Variants in TTC28 observed in about 807,000 individuals in gnomAD.
TTC28 encodes the protein tetratricopeptide repeat domain 28.
A neutral mutation model predicts 198.0 loss-of-function variants in TTC28; 61 were observed. That is an observed-to-expected ratio of 0.31 (90% CI 0.25 to 0.38). The LOEUF (loss-of-function observed/expected upper bound fraction) is 0.38. Among genes scored for constraint, TTC28 ranks in the 10% least tolerant of loss-of-function variants. The probability of loss-of-function intolerance (pLI) is 1.00; values close to 1 mark genes in which losing one functional copy is unlikely to be tolerated. For missense variants in TTC28, 2,678 were observed against 3,164.0 expected, an observed-to-expected ratio of 0.85 and a Z score of 3.69; for synonymous variants, 1,171 against 1,297.8, an observed-to-expected ratio of 0.90 and a Z score of 2.10.
At chr22:28,084,957 G>A (rs983739758) in intron 12 of TTC28, among the ~76,000 whole-genome samples, 3 of 152,084 alleles carry the variant, frequency 2.0e-5, no homozygotes, top group African/African-American at 7.2e-5. Flanking sequence ...GAGAAGTTTA[G>A]AGAAAAAAGA....
At chr22:28,531,545 A>G (rs190592942) in intron 2 of TTC28, among the ~76,000 whole-genome samples, 60 of 152,304 alleles carry the variant, frequency 3.9e-4, no homozygotes, top group Admixed American at 1.8e-3. Flanking sequence ...AACTCAGCTC[A>G]GCACCAAGCG....
chr22:28,002,236 G>C (rs1937731142), intron 14 of TTC28: 1 of 152,594 alleles, frequency 6.6e-6, no homozygotes. Flanking sequence ...AAGGGCGCGG[G>C]CATCTTAATG....
chr22:28,303,876 C>CA (rs2045078864), intron 3 of TTC28: 1 of 142,014 alleles, frequency 7.0e-6, no homozygotes, highest in Admixed American at 7.1e-5. Flanking sequence ...AAAAAAAATA[C>CA]AAAAACAACT....
chr22:28,506,322 C>G (rs1010268466), intron 2 of TTC28, among the ~76,000 whole-genome samples: 7 of 151,936 alleles, frequency 4.6e-5, no homozygotes, highest in Admixed American at 1.3e-4. Context: ...TAATTGCGAC[C>G]CTGACCCATT....
At chr22:28,179,708 C>T (rs1923524599) in intron 5 of TTC28, among the ~76,000 whole-genome samples, 1 of 152,192 alleles carries the variant, frequency 6.6e-6, no homozygotes, top group South Asian at 2.1e-4. Context: ...AGATCCCTGG[C>T]TGATCTGTAA....
At chr22:28,126,695 A>C (rs556371051) in intron 6 of TTC28, among the ~76,000 whole-genome samples, 1 of 152,338 alleles carries the variant, frequency 6.6e-6, no homozygotes, top group African/African-American at 2.4e-5. Flanking sequence ...GCTGTGTCTC[A>C]TAAGATGTTA....
chr22:28,194,803 C>T (rs1444197709), intron 5 of TTC28, among the ~76,000 whole-genome samples: 2 of 117,860 alleles, frequency 1.7e-5, no homozygotes, highest in Middle Eastern at 3.3e-3. Flanking sequence ...AATAGCCTAC[C>T]AATCAAAAAA....
At chr22:28,254,507 C>T (rs906472073) in intron 5 of TTC28, among the ~76,000 whole-genome samples, 2 of 147,570 alleles carry the variant, frequency 1.4e-5, no homozygotes, top group Non-Finnish European at 3.0e-5. Context: ...AAAAAAAAGT[C>T]TGGTTAGATA....
At chr22:28,629,354 A>C (rs1279020303) in intron 2 of TTC28, 198 bp downstream of exon 2, 1 of 566,778 alleles carries the variant, frequency 1.8e-6, no homozygotes, top group Admixed American at 3.6e-5. Context: ...TTAAACTTGC[A>C]CATGGAAAGC....
chr22:28,314,895 C>T (rs1337166759), intron 2 of TTC28, among the ~76,000 whole-genome samples: 5 of 152,114 alleles, frequency 3.3e-5, no homozygotes, highest in African/African-American at 1.2e-4. Flanking sequence ...AAAAAATTCT[C>T]CAAGTTTGTA....
chr22:28,240,140 A>G (rs1929563188), intron 5 of TTC28, among the ~76,000 whole-genome samples: 2 of 152,234 alleles, frequency 1.3e-5, no homozygotes, highest in African/African-American at 4.8e-5. Context: ...CAGTATTTTG[A>G]CTATGTGCCC....
chr22:28,636,832 A>G (rs1245052998), intron 1 of TTC28, among the ~76,000 whole-genome samples: 3 of 151,788 alleles, frequency 2.0e-5, no homozygotes, highest in African/African-American at 7.3e-5. Context: ...TTACTTTTTC[A>G]TCTTTGTTGA....
At chr22:28,109,166 C>A (rs1942411997) in intron 6 of TTC28, among the ~76,000 whole-genome samples, 1 of 152,172 alleles carries the variant, frequency 6.6e-6, no homozygotes. Flanking sequence ...TTCAATGTGG[C>A]ACCATAAACT....
chr22:28,469,647 G>T (rs866377641), intron 2 of TTC28, among the ~76,000 whole-genome samples: 4 of 151,996 alleles, frequency 2.6e-5, no homozygotes, highest in Admixed American at 2.0e-4. Context: ...AAGAGAATAT[G>T]AATAAAGGCA....
chr22:28,146,981 T>C lies in TTC28; in HGVS notation c.1441+16111A>G, dbSNP rs1601383712. Reference sequence around the variant, plus strand: ...GAAAGCATTCACTCCCAGAGTAACTTAACTCTTCAGTAGGATGGCATAAAG... The same window carrying C: ...GAAAGCATTCACTCCCAGAGTAACTCAACTCTTCAGTAGGATGGCATAAAG... On this transcript the variant is annotated intron_variant, in intron 6 of 22. Coordinates refer to ENST00000397906, the MANE Select transcript of TTC28 (RefSeq NM_001145418.2). Among the ~76,000 whole-genome samples, 3 of 152,336 alleles carry C rather than the reference T, an allele frequency of 2.0e-5. No homozygotes were observed. In the South Asian group the frequency reaches 6.2e-4, roughly 32 times the overall value.
intron 16 of TTC28, chr22:27,998,264 T>G: frequency 3.7e-6 from 2 of 534,048 alleles, no homozygotes; most frequent in Non-Finnish European, 6.6e-6. Flanking sequence ...TGCCATGGAA[T>G]GGGTCATCCA....
At chr22:28,505,675 C>A (rs2048601745) in intron 2 of TTC28, among the ~76,000 whole-genome samples, 1 of 152,152 alleles carries the variant, frequency 6.6e-6, no homozygotes, top group East Asian at 1.9e-4. Context: ...ACAGAGAAAC[C>A]CAGAAGTTTT....
At chr22:28,574,771 A>C (rs1295360765) in intron 2 of TTC28, among the ~76,000 whole-genome samples, 2 of 152,152 alleles carry the variant, frequency 1.3e-5, no homozygotes, top group Non-Finnish European at 2.9e-5. Flanking sequence ...TTTTTCTGAT[A>C]AACAATGATG....
intron 6 of TTC28, among the ~76,000 whole-genome samples, chr22:28,109,659 G>C (rs1445856275): frequency 6.6e-6 from 1 of 152,238 alleles, no homozygotes; most frequent in Non-Finnish European, 1.5e-5. Context: ...ATGAGGGATA[G>C]CATAATGGTA....
Sources: allele counts gnomAD v4.1 joint callset (sites outside exome capture counted in the v4.1 genomes callset), GRCh38; gene constraint gnomAD v4.1.1; transcripts MANE v1.5; gene names NCBI Gene and HGNC (gene_info 2026-07-23, HGNC 2026-07-21).